The following DENND2B variants were observed in gnomAD, a reference collection of about 807,000 sequenced individuals.
DENND2B encodes the protein DENN domain-containing protein 2B.
Under a neutral mutation model 116.0 loss-of-function variants are expected in DENND2B, and 32 were observed. That is an observed-to-expected ratio of 0.28 (90% CI 0.21 to 0.37). The LOEUF is 0.37. DENND2B is among the 10% of genes least tolerant of loss of function. The probability of loss-of-function intolerance (pLI) is 1.00; values close to 1 mark genes in which losing one functional copy is unlikely to be tolerated. For missense variants in DENND2B, 1,276 were observed against 1,477.7 expected, an observed-to-expected ratio of 0.86 and a Z score of 2.24; for synonymous variants, 588 against 583.9, an observed-to-expected ratio of 1.01 and a Z score of -0.10.
chr11:8,828,299 G>C (rs182284250), intron 4 of DENND2B, among the ~76,000 whole-genome samples: 2 of 152,278 alleles, frequency 1.3e-5, no homozygotes, highest in South Asian at 4.1e-4. Context: ...ACACAGAGCA[G>C]TGCACCTTCA....
At chr11:8,829,409 A>T (rs1008524938) in intron 4 of DENND2B, among the ~76,000 whole-genome samples, 14 of 152,080 alleles carry the variant, frequency 9.2e-5, no homozygotes, top group African/African-American at 3.4e-4. Context: ...AAATTCCCTT[A>T]GAAAGGCACC....
intron 11 of DENND2B, among the ~76,000 whole-genome samples, chr11:8,709,397 G>A (rs767361272): frequency 9.9e-5 from 15 of 152,258 alleles, no homozygotes; most frequent in Admixed American, 5.2e-4. Flanking sequence ...CTCTGAGCAC[G>A]CCAGGACAAA....
At chr11:8,804,439 T>A (rs1346369845) in intron 1 of DENND2B, among the ~76,000 whole-genome samples, 2 of 152,088 alleles carry the variant, frequency 1.3e-5, no homozygotes, top group African/African-American at 4.8e-5. Context: ...AAATCCTGTG[T>A]TATTAGGAAA....
intron 3 of DENND2B, among the ~76,000 whole-genome samples, chr11:8,850,185 T>C (rs1010004754): frequency 1.3e-5 from 2 of 152,322 alleles, no homozygotes; most frequent in East Asian, 1.9e-4. Context: ...CTAAAAATTT[T>C]TGTATGTGGA....
intron 1 of DENND2B, among the ~76,000 whole-genome samples, chr11:8,908,103 T>C (rs567303001): frequency 1.1e-3 from 167 of 152,338 alleles, no homozygotes; most frequent in African/African-American, 3.8e-3. Flanking sequence ...GGTCCTGGAA[T>C]GTTTAGGGAC....
intron 4 of DENND2B, among the ~76,000 whole-genome samples, chr11:8,723,960 G>A (rs1429275054): frequency 1.3e-5 from 2 of 152,242 alleles, no homozygotes; most frequent in East Asian, 1.9e-4. Context: ...GGAAACGGCT[G>A]TGAAACCAAT....
chr11:8,889,615 G>T (rs912804300), intron 1 of DENND2B, among the ~76,000 whole-genome samples: 3 of 152,202 alleles, frequency 2.0e-5, no homozygotes, highest in Admixed American at 6.5e-5. Flanking sequence ...TGGCTCGGAG[G>T]GTCCCATGTC....
chr11:8,694,923 G>A (rs2040086583), intron 19 of DENND2B, among the ~76,000 whole-genome samples: 1 of 152,168 alleles, frequency 6.6e-6, no homozygotes, highest in Admixed American at 6.5e-5. Flanking sequence ...ATAGCCAGGT[G>A]TAATGGCATA....
intron 1 of DENND2B, among the ~76,000 whole-genome samples, chr11:8,889,339 C>G (rs552848203): frequency 4.1e-4 from 63 of 152,224 alleles, no homozygotes; most frequent in Non-Finnish European, 8.4e-4. Flanking sequence ...CGGGTGATTT[C>G]TGCATTTCCA....
At chr11:8,733,335 G>A (rs1214876112) in intron 2 of DENND2B, among the ~76,000 whole-genome samples, 2 of 152,196 alleles carry the variant, frequency 1.3e-5, no homozygotes, top group African/African-American at 4.8e-5. Flanking sequence ...ATGAGTGTCT[G>A]TGCTACACAA....
rs137939968 is a variant in DENND2B at position 8,702,547 on chromosome 11, G to A, written c.2720+25C>T. On this transcript the variant is annotated intron_variant, in intron 14 of 19. Coordinates refer to ENST00000313726, the MANE Select transcript of DENND2B (RefSeq NM_213618.2). This position sits in a 1 kb window ranked among gnomAD's most constrained non-coding sequence, Gnocchi z 4.6. ...GGGTGTGCCTTCCCCCCTCCCTTCT[G>A]CTTTCTTGCCCGGCTGGGCCCTACC... 8.8e-3 allele frequency: 14,107 copies of A among 1,608,102 alleles called. 84 individuals carry two copies. Among genetic ancestry groups the A allele is most frequent in the Non-Finnish European group, 0.011 (12,743 of 1,179,906 alleles).
rs545688553 is a variant in DENND2B at position 8,884,669 on chromosome 11, G to C, written c.-255-3560C>G. Among the ~76,000 whole-genome samples, 5 of 152,262 alleles carry C rather than the reference G, an allele frequency of 3.3e-5. No individual in the cohort carries two copies. The South Asian group carries it at 1.0e-3, about 32-fold the overall frequency. On this transcript the variant is annotated intron_variant, in intron 1 of 22. Coordinates refer to the DENND2B transcript ENST00000534127. ...GAGATAAGTCACAGAATGGAGCAAA[G>C]TCACCAATTTCACAAGATGAAGATA...
intron 1 of DENND2B, among the ~76,000 whole-genome samples, chr11:8,803,023 A>C (rs1330930105): frequency 1.3e-5 from 2 of 152,224 alleles, no homozygotes; most frequent in African/African-American, 4.8e-5. Flanking sequence ...AAAAAGTATA[A>C]AATATTATAC....
chr11:8,719,634 T>A (rs1230398459), intron 4 of DENND2B, among the ~76,000 whole-genome samples: 1 of 152,174 alleles, frequency 6.6e-6, no homozygotes, highest in African/African-American at 2.4e-5. Flanking sequence ...CCTACCCCAC[T>A]GTGGGGCACT....
At chr11:8,850,512 T>C (rs2062967960) in intron 3 of DENND2B, among the ~76,000 whole-genome samples, 1 of 151,890 alleles carries the variant, frequency 6.6e-6, no homozygotes, top group African/African-American at 2.4e-5. Context: ...TCACACCTAT[T>C]AGAATGGCTA....
chr11:8,775,182 C>A (rs2057458735), intron 1 of DENND2B, among the ~76,000 whole-genome samples: 1 of 152,054 alleles, frequency 6.6e-6, no homozygotes, highest in African/African-American at 2.4e-5. Context: ...TGCCTGGCCC[C>A]CATCTGGGTC....
At chr11:8,697,668 T>G in intron 16 of DENND2B, 32 bp from the exon 17 acceptor site, 1 of 1,447,342 alleles carries the variant, frequency 6.9e-7, no homozygotes, top group Non-Finnish European at 9.7e-7. Context: ...GTGACAATCA[T>G]AGCTGACACT....
chr11:8,888,331 T>C (rs541399104), intron 1 of DENND2B, among the ~76,000 whole-genome samples: 1 of 152,322 alleles, frequency 6.6e-6, no homozygotes, highest in African/African-American at 2.4e-5. Flanking sequence ...TGCTGATTGC[T>C]GCTTCTGATC....
At chr11:8,893,086 G>T (rs1229713147) in intron 1 of DENND2B, among the ~76,000 whole-genome samples, 2 of 152,164 alleles carry the variant, frequency 1.3e-5, no homozygotes, top group Non-Finnish European at 2.9e-5. Flanking sequence ...TGCAAGGCTG[G>T]TTCAACATAC....
Sources: gnomAD v4.1 joint callset for allele counts (sites outside exome capture counted in the v4.1 genomes callset) on GRCh38, gnomAD v4.1.1 for gene constraint, Gnocchi (gnomAD v3.1) non-coding constraint, MANE v1.5 for transcripts, NCBI Gene and HGNC (gene_info 2026-07-23, HGNC 2026-07-21) for gene names.